WDR41: variants seen among roughly 807,000 people sequenced by gnomAD.
The protein encoded by WDR41 is WD repeat domain 41, also known as WD repeat-containing protein 41.
A neutral mutation model predicts 69.3 loss-of-function variants in WDR41; 63 were observed. The ratio of observed to expected loss-of-function variants is 0.91; its 90% CI spans 0.74 to 1.12. The LOEUF (loss-of-function observed/expected upper bound fraction) is 1.12. Among genes scored for constraint, WDR41 ranks in the 50% most tolerant of loss-of-function variants. The probability of loss-of-function intolerance (pLI) is 0.00; values close to 1 mark genes in which losing one functional copy is unlikely to be tolerated. For synonymous variants in WDR41, 185 were observed against 192.1 expected (o/e 0.96, Z 0.31); for missense variants, 543 against 534.5 (o/e 1.02, Z -0.16).
rs531114160 is a variant in WDR41 at position 77,451,329 on chromosome 5, G to A, written c.548C>T (p.Pro183Leu). 1.2e-6 allele frequency: 2 copies of A among 1,613,544 alleles called. No homozygotes were observed. Among genetic ancestry groups the A allele is most frequent in the South Asian group, 2.2e-5 (2 of 91,042 alleles). The change falls in exon 7 of 13, where the codon CCT (proline) becomes CTT (leucine). Residue 183 changes from proline to leucine, a missense_variant. Physicochemically the swap from Pro to Leu is moderately conservative, Grantham distance 98. Transcript: ENST00000296679. ...DTGISALVEI[P>L]KNCVVAAVGK... is the part of the protein sequence containing the mutation. ...AACTGCTGCCACAACACAGTTCTTA[G>A]GTATTTCAACCAAAGCACTAATACC...
intron 1 of WDR41, among the ~76,000 whole-genome samples, chr5:77,580,701 A>T (rs894503646): frequency 3.9e-5 from 6 of 152,158 alleles, no homozygotes; most frequent in African/African-American, 1.4e-4. Context: ...CATGCGTGTA[A>T]TCACAGCACT....
chr5:77,522,614 T>G (rs973324835), intron 1 of WDR41, among the ~76,000 whole-genome samples: 4 of 151,474 alleles, frequency 2.6e-5, no homozygotes, highest in African/African-American at 7.3e-5. Context: ...CACTCTAGCC[T>G]GGCAACAGAG....
intron 5 of WDR41, among the ~76,000 whole-genome samples, chr5:77,455,763 G>A (rs1799805262): frequency 6.6e-6 from 1 of 152,142 alleles, no homozygotes; most frequent in Non-Finnish European, 1.5e-5. Context: ...TTGGCTATGT[G>A]AGACTTTACT....
chr5:77,511,601 T>C (rs1194991456), intron 1 of WDR41, among the ~76,000 whole-genome samples: 1 of 152,180 alleles, frequency 6.6e-6, no homozygotes, highest in Non-Finnish European at 1.5e-5. Flanking sequence ...CTTTTCTCTC[T>C]ATGTAACCCG....
At chr5:77,454,061 T>C (rs1381053264) in intron 5 of WDR41, 133 bp from the exon 6 acceptor site, 4 of 672,066 alleles carry the variant, frequency 6.0e-6, no homozygotes, top group African/African-American at 1.8e-5. Flanking sequence ...TAGTAGATCA[T>C]GTGGGCACTA....
rs139739284 is a variant in WDR41, at chr5:77,594,540, A to G, written c.42+25939T>C. Among the ~76,000 whole-genome samples, 439 of 152,350 alleles carry G rather than the reference A, an allele frequency of 2.9e-3. 2 individuals are homozygous for G. Among genetic ancestry groups the G allele is most frequent in the African/African-American group, 0.01 (422 of 41,586 alleles). On this transcript the variant is annotated intron_variant, in intron 1 of 5. Coordinates refer to the WDR41 transcript ENST00000509971. ...TTTAAAATTTCTAACAATGGTATACAGAATTTATCAAGGAAATAACATGCT... is the reference window on the plus strand; with the variant it reads ...TTTAAAATTTCTAACAATGGTATACGGAATTTATCAAGGAAATAACATGCT...
intron 10 of WDR41, among the ~76,000 whole-genome samples, chr5:77,437,704 T>C (rs1362546856): frequency 2.0e-5 from 3 of 152,180 alleles, no homozygotes; most frequent in South Asian, 2.1e-4. Context: ...CTTCACAATG[T>C]CCTAAGCAGC....
At chr5:77,446,145 A>C (rs1298680460) in intron 8 of WDR41, among the ~76,000 whole-genome samples, 1 of 152,194 alleles carries the variant, frequency 6.6e-6, no homozygotes, top group Non-Finnish European at 1.5e-5. Context: ...ACAAGCAGAG[A>C]GCAAAATCAT....
chr5:77,444,212 G>A (rs1444206799), intron 8 of WDR41, among the ~76,000 whole-genome samples: 2 of 151,982 alleles, frequency 1.3e-5, no homozygotes, highest in Non-Finnish European at 2.9e-5. Flanking sequence ...GTTTACACAT[G>A]GCAAACTAAT....
chr5:77,618,630 C>G (rs527265668), intron 1 of WDR41, among the ~76,000 whole-genome samples: 1 of 152,190 alleles, frequency 6.6e-6, no homozygotes, highest in Non-Finnish European at 1.5e-5. Context: ...GCCTCGGCCT[C>G]CTGAAGTGCT....
chr5:77,561,430 T>C (rs192509332), intron 1 of WDR41, among the ~76,000 whole-genome samples: 36 of 152,340 alleles, frequency 2.4e-4, no homozygotes, highest in Non-Finnish European at 2.9e-4. Context: ...GAGTTCATTA[T>C]TTAGTTTTGA....
chr5:77,533,197 C>G (rs1256358183), intron 1 of WDR41, among the ~76,000 whole-genome samples: 1 of 152,102 alleles, frequency 6.6e-6, no homozygotes, highest in East Asian at 1.9e-4. Flanking sequence ...AATATCTACC[C>G]CAGAGAAATT....
intron 1 of WDR41, among the ~76,000 whole-genome samples, chr5:77,537,725 C>G (rs1380797713): frequency 6.6e-6 from 1 of 152,034 alleles, no homozygotes; most frequent in Non-Finnish European, 1.5e-5. Flanking sequence ...GAGGGTCGGT[C>G]TCTCCAGCAG....
chr5:77,472,523 C>T (rs1800673415), intron 2 of WDR41, among the ~76,000 whole-genome samples: 1 of 151,736 alleles, frequency 6.6e-6, no homozygotes, highest in Admixed American at 6.6e-5. Context: ...ATCTAGAAAA[C>T]CCCATTGTCT....
chr5:77,474,568 A>G (rs1800805039), intron 2 of WDR41, among the ~76,000 whole-genome samples: 1 of 152,228 alleles, frequency 6.6e-6, no homozygotes, highest in South Asian at 2.1e-4. Flanking sequence ...TTCAGGAGCC[A>G]TAGATGCTGA....
chr5:77,528,686 G>A (rs770934027), intron 1 of WDR41, among the ~76,000 whole-genome samples: 1 of 151,608 alleles, frequency 6.6e-6, no homozygotes, highest in Non-Finnish European at 1.5e-5. Context: ...AACATAATAT[G>A]AGCAAGGCAT....
intron 5 of WDR41, among the ~76,000 whole-genome samples, 169 bp from the exon 6 acceptor site, chr5:77,454,097 G>A (rs188337637): frequency 2.5e-3 from 386 of 152,278 alleles, no homozygotes; most frequent in African/African-American, 8.8e-3. Context: ...CTACCAAACA[G>A]ATTCTGGCAA....
intron 1 of WDR41, among the ~76,000 whole-genome samples, chr5:77,613,880 T>G (rs1272810356): frequency 2.0e-5 from 3 of 152,106 alleles, no homozygotes; most frequent in Non-Finnish European, 2.9e-5. Context: ...GGGAGAAAAT[T>G]TTTGCAATCT....
At chr5:77,554,322 C>T (rs568895536) in intron 1 of WDR41, among the ~76,000 whole-genome samples, 84 of 152,208 alleles carry the variant, frequency 5.5e-4, no homozygotes, top group African/African-American at 2.0e-3. Flanking sequence ...ATGTTTCTGT[C>T]CCCCTGAAAT....
Sources: gnomAD v4.1 joint callset for allele counts (sites outside exome capture counted in the v4.1 genomes callset) on GRCh38, gnomAD v4.1.1 for gene constraint, MANE v1.5 for transcripts, NCBI Gene and HGNC (gene_info 2026-07-23, HGNC 2026-07-21) for gene names.